GFRA2: variants seen among roughly 807,000 people sequenced by gnomAD.
GFRA2 encodes the protein GDNF family receptor alpha-2.
GFRA2 carries 17 observed loss-of-function variants against 48.3 expected under a neutral mutation model. That is an observed-to-expected ratio of 0.35 (90% confidence interval 0.24 to 0.53). The LOEUF (loss-of-function observed/expected upper bound fraction) is 0.53. GFRA2 is among the 20% of genes least tolerant of loss of function. GFRA2 has a pLI of 0.93. For missense variants in GFRA2, 660 were observed against 637.3 expected, an observed-to-expected ratio of 1.04 and a Z score of -0.38; for synonymous variants, 305 against 257.2, an observed-to-expected ratio of 1.19 and a Z score of -1.78.
At chr8:21,717,760 T>C (rs1210544690) in intron 4 of GFRA2, among the ~76,000 whole-genome samples, 2 of 152,158 alleles carry the variant, frequency 1.3e-5, no homozygotes, top group Non-Finnish European at 1.5e-5. Context: ...CCTAGGAACT[T>C]GCAGGTTGGA....
chr8:21,693,864 A>T (rs1056462853), intron 8 of GFRA2, among the ~76,000 whole-genome samples: 1 of 8,912 alleles, frequency 1.1e-4, no homozygotes, highest in Non-Finnish European at 2.7e-4. Context: ...ATTTCTTCCA[A>T]TCCCCACTCC....
At chr8:21,726,458 A>G (rs1803875396) in intron 4 of GFRA2, among the ~76,000 whole-genome samples, 1 of 152,168 alleles carries the variant, frequency 6.6e-6, no homozygotes, top group African/African-American at 2.4e-5. Context: ...AAATAACACA[A>G]GTTTGTTCTC....
intron 4 of GFRA2, among the ~76,000 whole-genome samples, chr8:21,743,838 T>C (rs1804867829): frequency 6.6e-6 from 1 of 152,152 alleles, no homozygotes; most frequent in South Asian, 2.1e-4. Flanking sequence ...CAATCCAAGT[T>C]GGTCATCTAG....
Position 21,795,425 on chromosome 8 carries a change from G to A in GFRA2, c.-35-7231C>T, listed in dbSNP as rs1377208407. ...TTTTTTTATTTGAGACAGAGTCTCA[G>A]TCTGTCACCTAGGCCGGAGTGCTGT... On this transcript the variant is annotated intron_variant, in intron 2 of 10. Coordinates refer to the GFRA2 transcript ENST00000517328. Among the ~76,000 whole-genome samples the A allele has an allele frequency of 5.4e-5, 8 of 149,456 alleles. No homozygotes were observed. The East Asian group carries it at 1.6e-3, about 29-fold the overall frequency.
At chr8:21,717,592 A>G (rs924141375) in intron 4 of GFRA2, among the ~76,000 whole-genome samples, 9 of 152,206 alleles carry the variant, frequency 5.9e-5, no homozygotes, top group Admixed American at 5.9e-4. Context: ...AGTTATTATA[A>G]ACAATGATTT....
At chr8:21,724,378 G>A (rs1292967885) in intron 4 of GFRA2, among the ~76,000 whole-genome samples, 3 of 152,138 alleles carry the variant, frequency 2.0e-5, no homozygotes, top group Non-Finnish European at 2.9e-5. Flanking sequence ...TCCCAGTATT[G>A]CCACGCTGGA....
At position 21,809,330 on chromosome 8, in the gene GFRA2, G is replaced by C. The variant is rs573987402; in HGVS notation, c.-148+2901C>G. 2.0e-5 allele frequency among the ~76,000 whole-genome samples: 3 copies of C among 152,266 alleles called. No individual in the cohort carries two copies. The South Asian group carries it at 6.2e-4, about 32-fold the overall frequency. Reference sequence around the variant, plus strand: ...TTTTGAACAATTTGTATCTCTGTTTGTTTTTGTTTTGGGAAACGGAGTCTC... The same window carrying C: ...TTTTGAACAATTTGTATCTCTGTTTCTTTTTGTTTTGGGAAACGGAGTCTC... On this transcript the variant is annotated intron_variant, in intron 1 of 10. Transcript: ENST00000517328.
chr8:21,755,490 C>CCTA (rs1371602370), intron 3 of GFRA2, among the ~76,000 whole-genome samples: 1 of 152,176 alleles, frequency 6.6e-6, no homozygotes, highest in Non-Finnish European at 1.5e-5. Context: ...TTAATGAGGA[C>CCTA]CTACTATGTG....
In GFRA2 at chr8:21,750,704, G is replaced by C; in HGVS notation, c.678C>G (p.Asp226Glu). Reference protein sequence around the residue: ...TYRMLFCSCQDQACAERRRQT... With the variant: ...TYRMLFCSCQEQACAERRRQT... ...GCCGGCGGCGCTCAGCGCACGCCTG[G>C]TCTTGGCAGGAGCAGAAGAGCATGC... Residue 226 changes from aspartate to glutamate, a missense_variant, in exon 4 of 9, where the codon GAC becomes GAG. Coordinates refer to ENST00000524240, the MANE Select transcript of GFRA2 (RefSeq NM_001495.5). This position sits in a 1 kb window ranked among gnomAD's most constrained non-coding sequence, Gnocchi z 5.7. 1.9e-6 allele frequency: 3 copies of C among 1,613,930 alleles called. No homozygotes were observed. Among genetic ancestry groups the C allele is most frequent in the Non-Finnish European group, 2.5e-6 (3 of 1,179,828 alleles).
intron 2 of GFRA2, among the ~76,000 whole-genome samples, chr8:21,781,751 A>G (rs1806999264): frequency 6.6e-6 from 1 of 152,192 alleles, no homozygotes; most frequent in East Asian, 1.9e-4. Flanking sequence ...TACGCTCTCA[A>G]TAAACATGCA....
intron 7 of GFRA2, among the ~76,000 whole-genome samples, chr8:21,695,082 G>A (rs977287593): frequency 9.9e-5 from 15 of 152,208 alleles, no homozygotes; most frequent in Admixed American, 8.5e-4. Flanking sequence ...TGGTCCATTA[G>A]GTGGATATCT....
intron 7 of GFRA2, among the ~76,000 whole-genome samples, chr8:21,700,305 C>T (rs1003226589): frequency 2.0e-5 from 3 of 152,200 alleles, no homozygotes; most frequent in Non-Finnish European, 4.4e-5. Context: ...TCAGGCCTCT[C>T]CAAGGTCCAC....
intron 4 of GFRA2, among the ~76,000 whole-genome samples, chr8:21,722,514 G>T (rs1207238950): frequency 6.6e-6 from 1 of 152,138 alleles, no homozygotes; most frequent in African/African-American, 2.4e-5. Context: ...ATGAACTGTG[G>T]GGTTCTAACC....
At chr8:21,721,962 A>G (rs1429494227) in intron 4 of GFRA2, among the ~76,000 whole-genome samples, 1 of 152,226 alleles carries the variant, frequency 6.6e-6, no homozygotes, top group African/African-American at 2.4e-5. Context: ...TATCAGGCAA[A>G]TATCTGGGCA....
intron 6 of GFRA2, among the ~76,000 whole-genome samples, chr8:21,704,122 G>A (rs948867919): frequency 1.3e-5 from 2 of 152,206 alleles, no homozygotes; most frequent in Non-Finnish European, 2.9e-5. Flanking sequence ...TACGTGATTG[G>A]CAGTTCCCTC....
chr8:21,703,377 G>A (rs371715734), intron 6 of GFRA2, among the ~76,000 whole-genome samples: 115 of 152,030 alleles, frequency 7.6e-4, no homozygotes, highest in African/African-American at 2.6e-3. Flanking sequence ...AGGCTCTTCC[G>A]GCCCCTGTGC....
At chr8:21,726,344 C>G (rs1177054850) in intron 4 of GFRA2, among the ~76,000 whole-genome samples, 1 of 152,226 alleles carries the variant, frequency 6.6e-6, no homozygotes, top group Non-Finnish European at 1.5e-5. Flanking sequence ...ATGAACAAGA[C>G]AGTCCTTCTC....
chr8:21,699,501 C>T (rs940416329), intron 7 of GFRA2, among the ~76,000 whole-genome samples: 5 of 152,170 alleles, frequency 3.3e-5, no homozygotes, highest in African/African-American at 1.2e-4. Context: ...AGGGGTCCTA[C>T]AAATTGGCAT....
Position 21,782,667 on chromosome 8 carries a change from G to A in GFRA2, c.273C>T (p.Tyr91=), listed in dbSNP as rs953890427. ...TCATGCCCCGCTTGCAGCGGCAGTC[G>A]TACAGCGGGCTCTCCTGCAAGACCT... ...ALEVLQESPL[Y]DCRCKRGMKK... is the part of the protein sequence containing the mutation. The change falls in exon 2 of 9, where the codon TAC becomes TAT. Residue 91 remains tyrosine (Y), a synonymous_variant. Coordinates refer to ENST00000524240, the MANE Select transcript of GFRA2 (RefSeq NM_001495.5). 2.0e-5 allele frequency: 32 copies of A among 1,586,726 alleles called. No homozygotes were observed. The highest frequency in any genetic ancestry group is 2.5e-5 in the Non-Finnish European group (29 of 1,167,200).
Sources: gnomAD v4.1 joint callset for allele counts (sites outside exome capture counted in the v4.1 genomes callset) on GRCh38, gnomAD v4.1.1 for gene constraint, Gnocchi (gnomAD v3.1) non-coding constraint, MANE v1.5 for transcripts, NCBI Gene and HGNC (gene_info 2026-07-23, HGNC 2026-07-21) for gene names.